Variants in SMAD9 observed in about 807,000 individuals in gnomAD.
The protein encoded by SMAD9 is MAD homolog 9.
SMAD9 carries 36 observed loss-of-function variants against 46.1 expected under a neutral mutation model. The observed-to-expected ratio is 0.78, with a 90% CI of 0.60 to 1.03. SMAD9 has a LOEUF of 1.03. Ranked by LOEUF, SMAD9 falls within the 50% of genes least tolerant of loss-of-function variation. The pLI, the probability that SMAD9 is intolerant of heterozygous loss-of-function variation, is 0.00. For synonymous variants in SMAD9, 245 were observed against 237.1 expected (o/e 1.03, Z -0.31); for missense variants, 572 against 599.8 (o/e 0.95, Z 0.48).
intron 5 of SMAD9, among the ~76,000 whole-genome samples, chr13:36,857,529 T>C (rs2058138483): frequency 6.6e-6 from 1 of 152,208 alleles, no homozygotes; most frequent in Non-Finnish European, 1.5e-5. Context: ...TTGTGGTTAA[T>C]GAGGACTAGA....
At chr13:36,906,564 C>T (rs1475115554) in intron 1 of SMAD9, among the ~76,000 whole-genome samples, 2 of 151,924 alleles carry the variant, frequency 1.3e-5, no homozygotes, top group Non-Finnish European at 2.9e-5. Flanking sequence ...AAAAAACAAA[C>T]CACCCAATTC....
At chr13:36,887,563 G>T (rs1168444186) in intron 1 of SMAD9, among the ~76,000 whole-genome samples, 2 of 152,000 alleles carry the variant, frequency 1.3e-5, no homozygotes, top group African/African-American at 4.8e-5. Flanking sequence ...CTGCTTATAT[G>T]GAGAACAGAT....
Position 36,879,415 on chromosome 13 carries a change from TA to T in SMAD9, c.274del (p.Tyr92ThrfsTer16). ...ATCCGGCCAGCGCCACACGCGACAG[TA>T]AATCACATGGGGCAGGCCCTTGCGG... ...SHRKGLPHVI[Y>X]CRVWRWPDLQ... On this transcript the variant is annotated frameshift_variant, in exon 2 of 7. Transcript: ENST00000379826. LOFTEE classifies it high-confidence loss of function. 6.2e-7 allele frequency: 1 copy of T among 1,613,970 alleles called. No homozygotes were observed.
At chr13:36,858,090 C>T (rs187446420) in intron 5 of SMAD9, among the ~76,000 whole-genome samples, 1 of 152,034 alleles carries the variant, frequency 6.6e-6, no homozygotes, top group Non-Finnish European at 1.5e-5. Flanking sequence ...TGAAAAAGAA[C>T]GGCACAGAAT....
chr13:36,853,690 A>G lies in SMAD9; in HGVS notation c.1004-15T>C. 1 of 1,613,666 alleles carries G rather than the reference A, an allele frequency of 6.2e-7. No homozygotes were observed. The highest frequency in any genetic ancestry group is 8.5e-7 in the Non-Finnish European group (1 of 1,179,992). ...CAAGTGCACACCTGCAGACACAAAA[A>G]CACAGCCTTCCTTCACATGCCCTTT... On this transcript the variant is annotated splice_polypyrimidine_tract_variant and intron_variant, in intron 5 of 6. Transcript: ENST00000379826.
At chr13:36,857,753 G>C (rs2058140464) in intron 5 of SMAD9, among the ~76,000 whole-genome samples, 1 of 152,068 alleles carries the variant, frequency 6.6e-6, no homozygotes. Context: ...TCCTTACTGG[G>C]AGGGAGGCAA....
intron 1 of SMAD9, among the ~76,000 whole-genome samples, chr13:36,907,755 TG>T (rs1370772305): frequency 3.3e-5 from 5 of 152,204 alleles, no homozygotes; most frequent in African/African-American, 1.2e-4. Flanking sequence ...CCTATCCAAA[TG>T]TTATAGTAAT....
chr13:36,918,548 C>T (rs2058716459), intron 1 of SMAD9, among the ~76,000 whole-genome samples: 1 of 152,186 alleles, frequency 6.6e-6, no homozygotes, highest in Admixed American at 6.5e-5. Context: ...TTGCTGTCAT[C>T]TTGTATTTAA....
At chr13:36,862,131 T>C (rs1173744933) in intron 5 of SMAD9, among the ~76,000 whole-genome samples, 3 of 152,116 alleles carry the variant, frequency 2.0e-5, no homozygotes, top group Non-Finnish European at 4.4e-5. Context: ...TGGTTCAGGC[T>C]CCACGAACAC....
chr13:36,919,908 G>A (rs1411109979), intron 1 of SMAD9, among the ~76,000 whole-genome samples: 2 of 147,054 alleles, frequency 1.4e-5, no homozygotes, highest in East Asian at 4.3e-4. Flanking sequence ...CTCACGCCGA[G>A]GAGCCTCCCA....
At chr13:36,849,896 A>C (rs1464164025) in intron 6 of SMAD9, 1 of 152,082 alleles carries the variant, frequency 6.6e-6, no homozygotes, top group African/African-American at 2.4e-5. Context: ...TGCGTCTACT[A>C]TATCATTCCC....
intron 1 of SMAD9, among the ~76,000 whole-genome samples, chr13:36,906,602 C>T (rs1014449010): frequency 6.6e-6 from 1 of 152,176 alleles, no homozygotes. Flanking sequence ...AGAATAGACA[C>T]TTCTCCAAAG....
intron 1 of SMAD9, among the ~76,000 whole-genome samples, chr13:36,880,321 A>C (rs1167569657): frequency 6.6e-6 from 1 of 152,130 alleles, no homozygotes; most frequent in Non-Finnish European, 1.5e-5. Context: ...TTTCCCATTT[A>C]AGAAATGACA....
intron 1 of SMAD9, among the ~76,000 whole-genome samples, chr13:36,906,700 T>A (rs777384016): frequency 2.6e-5 from 4 of 152,150 alleles, no homozygotes; most frequent in Non-Finnish European, 5.9e-5. Flanking sequence ...AATCACAAGG[T>A]ACCACTTCAT....
At chr13:36,901,891 A>AT (rs1368894820) in intron 1 of SMAD9, among the ~76,000 whole-genome samples, 1 of 152,150 alleles carries the variant, frequency 6.6e-6, no homozygotes, top group East Asian at 1.9e-4. Context: ...TTCCTTACAT[A>AT]TTGTGGATAT....
chr13:36,872,058 G>A (rs941410844), intron 3 of SMAD9, among the ~76,000 whole-genome samples: 3 of 152,076 alleles, frequency 2.0e-5, no homozygotes, highest in Admixed American at 1.3e-4. Flanking sequence ...GGTAGCAAGA[G>A]CAATTATGAC....
Position 36,920,209 on chromosome 13 carries a change from GCGGCGGC to G in SMAD9, c.-287_-281del. 6.1e-6 allele frequency: 1 copy of G among 165,228 alleles called. No homozygotes were observed. Among genetic ancestry groups the G allele is most frequent in the Non-Finnish European group, 1.2e-5 (1 of 80,382 alleles). The allele number at this position is 165,228 out of a possible 1,614,324, so 10.2% of individuals were successfully genotyped here. ...AGCAGCGGCGGCGGCGGCGGCGGCG[GCGGCGGC>G]CCCAGCCGGCGTCAGTCAGACTGGA... On this transcript the variant is annotated 5_prime_UTR_variant, in exon 1 of 7. Transcript: ENST00000379826.
At chr13:36,884,755 A>G (rs1465623068) in intron 1 of SMAD9, among the ~76,000 whole-genome samples, 1 of 152,156 alleles carries the variant, frequency 6.6e-6, no homozygotes, top group Admixed American at 6.5e-5. Flanking sequence ...TCAGTTGGTG[A>G]TTTTAATCCT....
At chr13:36,865,828 A>C in intron 4 of SMAD9, 70 bp from the exon 5 acceptor site, 1 of 1,241,982 alleles carries the variant, frequency 8.1e-7, no homozygotes, top group Non-Finnish European at 1.2e-6. Flanking sequence ...TGATTCCACC[A>C]GGAAACTTAG....
Sources: gnomAD v4.1 joint callset for allele counts (sites outside exome capture counted in the v4.1 genomes callset) on GRCh38, gnomAD v4.1.1 for gene constraint, MANE v1.5 for transcripts, NCBI Gene and HGNC (gene_info 2026-07-23, HGNC 2026-07-21) for gene names.